Variants in NUP188 observed in about 807,000 individuals in gnomAD.
NUP188 encodes nucleoporin 188, also known as nucleoporin NUP188.
NUP188 carries 97 observed loss-of-function variants against 223.0 expected under a neutral mutation model. That is an observed-to-expected ratio of 0.43 (90% CI 0.37 to 0.51). The LOEUF is 0.51. NUP188 is among the 20% of genes least tolerant of loss of function. The pLI is 0.00. For synonymous variants in NUP188, 869 were observed against 828.0 expected, an observed-to-expected ratio of 1.05 and a Z score of -0.85; for missense variants, 1,947 against 2,175.6, an observed-to-expected ratio of 0.89 and a Z score of 2.09.
chr9:128,964,831 C>T lies in NUP188; in HGVS notation c.586-3675C>T, dbSNP rs557810328. Among the ~76,000 whole-genome samples the T allele has an allele frequency of 9.2e-5, 14 of 151,826 alleles. No individual in the cohort carries two copies. In the South Asian group the frequency reaches 2.1e-3, roughly 23 times the overall value. On this transcript the variant is annotated intron_variant, in intron 8 of 43. Coordinates refer to ENST00000372577, the MANE Select transcript of NUP188 (RefSeq NM_015354.3). ...AGGGATTCTGCTGCCTCCAGCCTCC[C>T]GAGTAGCTGGGATTACAGGCATGTG... is the stretch of plus-strand genomic sequence containing the variant.
chr9:128,947,730 C>T lies in NUP188; in HGVS notation c.11C>T (p.Ala4Val), dbSNP rs770448715. The T allele has an allele frequency of 4.8e-6, 7 of 1,472,590 alleles. No individual in the cohort carries two copies. The highest frequency in any genetic ancestry group is 1.3e-5 in the South Asian group (1 of 76,306). The allele number at this position is 1,472,590 out of a possible 1,614,324, so 91.2% of individuals were successfully genotyped here. A position where few individuals can be genotyped will look rare whatever the true frequency, so the allele number is the denominator to read the frequency against. Residue 4 changes from alanine (A) to valine (V), a missense_variant, in exon 1 of 44, where the codon GCC (alanine) becomes GTC (valine). This residue lies in a region of NUP188 where 817 missense variants were observed against 865.8 expected (regional missense o/e 0.94). Coordinates refer to ENST00000372577, the MANE Select transcript of NUP188 (RefSeq NM_015354.3). MAA[A>V]AGGPCVRSSR... ...AGCGGGCGCGCGAAGATGGCGGCGG[C>T]CGCCGGCGGGCCGTGTGTGAGGTGC... is the stretch of plus-strand genomic sequence containing the variant.
chr9:128,982,257 C>G (rs977951801), intron 15 of NUP188, among the ~76,000 whole-genome samples: 1 of 152,004 alleles, frequency 6.6e-6, no homozygotes, highest in East Asian at 1.9e-4. Flanking sequence ...ATGGAAAACC[C>G]CATCTCTACT....
At chr9:128,966,125 C>G (rs1244233475) in intron 8 of NUP188, among the ~76,000 whole-genome samples, 1 of 123,798 alleles carries the variant, frequency 8.1e-6, no homozygotes, top group East Asian at 2.3e-4. Flanking sequence ...AGATTTCTGC[C>G]TCCGTGTGTG....
chr9:128,980,226 AAGG>A (rs1218588901), intron 13 of NUP188, among the ~76,000 whole-genome samples: 3 of 152,088 alleles, frequency 2.0e-5, no homozygotes, highest in African/African-American at 7.2e-5. Context: ...CTCCTGGGAG[AAGG>A]AGAAGCTGGT....
rs1419114492 is a variant in NUP188, at chr9:129,003,208, A to G, written c.4297-109A>G. Reference sequence around the variant, plus strand: ...GTACCACTAAGCCATTTCTTTGCCAACTCAGCATTTGGGGGCCTGGGACGT... The same window carrying G: ...GTACCACTAAGCCATTTCTTTGCCAGCTCAGCATTTGGGGGCCTGGGACGT... On this transcript the variant is annotated intron_variant, in intron 37 of 43. Coordinates refer to ENST00000372577, the MANE Select transcript of NUP188 (RefSeq NM_015354.3). 4.4e-6 allele frequency: 6 copies of G among 1,370,382 alleles called. No individual in the cohort carries two copies. In the Admixed American group the frequency reaches 1.3e-4, roughly 31 times the overall value. 84.9% of individuals were successfully genotyped at this position (1,370,382 alleles called of 1,614,324 possible). A position where few individuals can be genotyped will look rare whatever the true frequency, so the allele number is the denominator to read the frequency against.
At chr9:128,984,413 A>T (rs1338980865) in intron 19 of NUP188, among the ~76,000 whole-genome samples, 1 of 152,184 alleles carries the variant, frequency 6.6e-6, no homozygotes, top group Non-Finnish European at 1.5e-5. Context: ...GGCATGAGCC[A>T]TGGTGCCCGG....
intron 38 of NUP188, among the ~76,000 whole-genome samples, chr9:129,004,149 C>G (rs147742460): frequency 6.6e-6 from 1 of 151,056 alleles, no homozygotes; most frequent in African/African-American, 2.4e-5. Context: ...TGGTGGCACA[C>G]GCCTGTAGTC....
intron 34 of NUP188, among the ~76,000 whole-genome samples, chr9:129,000,610 G>T (rs963010421): frequency 6.6e-6 from 1 of 151,946 alleles, no homozygotes; most frequent in African/African-American, 2.4e-5. Flanking sequence ...GAGCCACCAC[G>T]CCTGGCCACA....
chr9:128,980,035 G>A (rs972103553), intron 13 of NUP188, among the ~76,000 whole-genome samples: 1 of 152,180 alleles, frequency 6.6e-6, no homozygotes, highest in African/African-American at 2.4e-5. Flanking sequence ...CGTAGCCTAT[G>A]AGTTGTCAGG....
At chr9:128,957,955 T>A (rs1841894713) in intron 5 of NUP188, 55 bp from the exon 6 acceptor site, 3 of 1,314,278 alleles carry the variant, frequency 2.3e-6, no homozygotes, top group African/African-American at 1.5e-5. Context: ...TCTTTTTTTA[T>A]TACTTGAGTT....
At position 128,980,598 on chromosome 9, in the gene NUP188, C is replaced by T. The variant is rs1349019363; in HGVS notation, c.1270-8C>T. ...TGAAGATCAGTGATTTGTCCCCTTC[C>T]ACCACAGGAGCCAACTTCTGGCCTT... On this transcript the variant is annotated splice_polypyrimidine_tract_variant and splice_region_variant and intron_variant, in intron 13 of 43. Coordinates refer to ENST00000372577, the MANE Select transcript of NUP188 (RefSeq NM_015354.3). The T allele has an allele frequency of 6.2e-7, 1 of 1,607,114 alleles. No homozygotes were observed. Among genetic ancestry groups the T allele is most frequent in the Admixed American group, 1.7e-5 (1 of 58,758 alleles).
intron 23 of NUP188, 135 bp downstream of exon 23, chr9:128,987,852 C>A: frequency 7.9e-7 from 1 of 1,261,536 alleles, no homozygotes; most frequent in Non-Finnish European, 1.1e-6. Context: ...CTTTACATAC[C>A]CTAGTGGCTG....
chr9:129,006,018 T>C, intron 41 of NUP188, 32 bp from the exon 42 acceptor site: 1 of 1,612,382 alleles, frequency 6.2e-7, no homozygotes, highest in Non-Finnish European at 8.5e-7. Flanking sequence ...CTGTTCCTGT[T>C]GTCTTAGTTT....
At chr9:128,990,278 C>T (rs1440271648) in intron 25 of NUP188, 52 bp downstream of exon 25, 14 of 1,407,172 alleles carry the variant, frequency 9.9e-6, no homozygotes, top group Non-Finnish European at 1.3e-5. Context: ...TGTTTTTTTC[C>T]CCCTGATTAC....
Position 129,002,955 on chromosome 9 carries a change from C to T in NUP188, c.4276C>T (p.His1426Tyr), listed in dbSNP as rs1409756060. The T allele has an allele frequency of 1.9e-6, 3 of 1,614,184 alleles. No homozygotes were observed. Among genetic ancestry groups the T allele is most frequent in the Non-Finnish European group, 2.5e-6 (3 of 1,180,030 alleles). ...TGAGGCCCTGGACTTCGTGGGTGTC[C>T]ACCAGGAGCGGACCTTACAGGTGAG... is the stretch of plus-strand genomic sequence containing the variant. ...LPEALDFVGVHQERTLQCLNA... is the reference protein window; with the variant it reads ...LPEALDFVGVYQERTLQCLNA... The change falls in exon 37 of 44, where the codon CAC (histidine) becomes TAC (tyrosine). Residue 1426 changes from histidine to tyrosine, a missense_variant. His to Tyr is a moderately conservative substitution (Grantham distance 83). This residue lies in a region of NUP188 where 905 missense variants were observed against 990.6 expected (regional missense o/e 0.91). Transcript: ENST00000372577.
chr9:129,005,551 A>T, intron 40 of NUP188, 21 bp downstream of exon 40: 1 of 1,610,254 alleles, frequency 6.2e-7, no homozygotes, highest in Non-Finnish European at 8.5e-7. Flanking sequence ...TCATCTGTTC[A>T]GCACCACCTC....
chr9:128,974,473 C>CT (rs1422360966), intron 12 of NUP188, among the ~76,000 whole-genome samples: 1 of 149,558 alleles, frequency 6.7e-6, no homozygotes, highest in Non-Finnish European at 1.5e-5. Context: ...CTGTCCATCC[C>CT]TGTCAGCCTC....
intron 8 of NUP188, among the ~76,000 whole-genome samples, chr9:128,965,711 C>T (rs369314649): frequency 4.6e-5 from 7 of 151,994 alleles, no homozygotes; most frequent in African/African-American, 1.2e-4. Flanking sequence ...CCTCAGCCTC[C>T]CAAAGTGCTG....
chr9:129,006,336 C>T lies in NUP188; in HGVS notation c.5041C>T (p.Gln1681Ter). 1 of 1,614,174 alleles carries T rather than the reference C, an allele frequency of 6.2e-7. No individual in the cohort carries two copies. Among genetic ancestry groups the T allele is most frequent in the South Asian group, 1.1e-5 (1 of 91,086 alleles). Reference protein sequence around the residue: ...RDPAVHPRDKQRMKQELSSEL... With the variant: ...RDPAVHPRDK ...CCCGGCTGTGCACCCCCGGGACAAA[C>T]AGCGGATGAAGCAGGAGCTCAGCTC... Residue 1681 changes from glutamine to a stop codon, truncating the protein, a stop_gained, in exon 43 of 44, where the codon CAG (glutamine) becomes TAG (stop). Transcript: ENST00000372577. LOFTEE classifies it high-confidence loss of function.
Sources: gnomAD v4.1 joint callset for allele counts (sites outside exome capture counted in the v4.1 genomes callset) on GRCh38, gnomAD v4.1.1 for gene constraint, gnomAD v4.1.1 regional missense constraint, MANE v1.5 for transcripts, NCBI Gene and HGNC (gene_info 2026-07-23, HGNC 2026-07-21) for gene names.